The following SYT17 variants were observed in gnomAD, a reference collection of about 807,000 sequenced individuals.
SYT17 encodes the protein synaptotagmin 17, also known as synaptotagmin-17.
A neutral mutation model predicts 46.7 loss-of-function variants in SYT17; 22 were observed. That is an observed-to-expected ratio of 0.47 (90% CI 0.34 to 0.67). The LOEUF (loss-of-function observed/expected upper bound fraction) is 0.67, where lower values mean the gene tolerates loss of function less well. Ranked by LOEUF, SYT17 falls within the 30% of genes least tolerant of loss-of-function variation. The pLI, the probability that SYT17 is intolerant of heterozygous loss-of-function variation, is 0.01. For synonymous variants in SYT17, 251 were observed against 248.4 expected (o/e 1.01, Z -0.10); for missense variants, 519 against 612.8 (o/e 0.85, Z 1.62).
At chr16:19,173,298 C>T (rs1426255923) in intron 2 of SYT17, 132 bp from the exon 3 acceptor site, 2 of 623,992 alleles carry the variant, frequency 3.2e-6, no homozygotes, top group African/African-American at 3.7e-5. Context: ...AGAGCCAGAA[C>T]TCCTGAATGT....
At chr16:19,194,555 C>T (rs971584830) in intron 5 of SYT17, among the ~76,000 whole-genome samples, 1 of 152,164 alleles carries the variant, frequency 6.6e-6, no homozygotes, top group Non-Finnish European at 1.5e-5. Context: ...AGTAAATACC[C>T]CATAGACATC....
At chr16:19,259,131 C>T (rs971378830) in intron 7 of SYT17, among the ~76,000 whole-genome samples, 3 of 152,138 alleles carry the variant, frequency 2.0e-5, no homozygotes, top group Non-Finnish European at 4.4e-5. Flanking sequence ...GGGTACTTGC[C>T]TGTCCCCAGA....
chr16:19,194,211 CT>C (rs1965142471), intron 5 of SYT17, among the ~76,000 whole-genome samples: 1 of 152,208 alleles, frequency 6.6e-6, no homozygotes, highest in Non-Finnish European at 1.5e-5. Context: ...TTGCAAGTGA[CT>C]GTCTTGGCAG....
chr16:19,248,225 T>C (rs909184129), intron 7 of SYT17, among the ~76,000 whole-genome samples: 2 of 152,132 alleles, frequency 1.3e-5, no homozygotes, highest in African/African-American at 4.8e-5. Context: ...AAACAAGAAG[T>C]GTTGGTGAGA....
chr16:19,237,304 C>A (rs1463947743), intron 7 of SYT17, among the ~76,000 whole-genome samples: 1 of 152,130 alleles, frequency 6.6e-6, no homozygotes, highest in Non-Finnish European at 1.5e-5. Flanking sequence ...GGCACCTGAG[C>A]ATCTGTATTC....
At position 19,172,530 on chromosome 16, in the gene SYT17, G is replaced by A. The variant is rs890565005; in HGVS notation, c.16-230G>A. Reference sequence around the variant, plus strand: ...TGCTAAAGTTTCCCATTTATTTGGTGTTGGTTAACCAGGAGGCTACCAGCA... The same window carrying A: ...TGCTAAAGTTTCCCATTTATTTGGTATTGGTTAACCAGGAGGCTACCAGCA... On this transcript the variant is annotated intron_variant, in intron 1 of 7. Coordinates refer to ENST00000355377, the MANE Select transcript of SYT17 (RefSeq NM_016524.4). 3.1e-5 allele frequency: 46 copies of A among 1,497,146 alleles called. No homozygotes were observed. The African/African-American group carries it at 6.0e-4, about 19-fold the overall frequency. 92.7% of individuals were successfully genotyped at this position (1,497,146 alleles called of 1,614,324 possible).
chr16:19,227,645 T>C (rs149823709), intron 7 of SYT17, among the ~76,000 whole-genome samples: 1 of 152,252 alleles, frequency 6.6e-6, no homozygotes, highest in Non-Finnish European at 1.5e-5. Flanking sequence ...CCTTCCCCTT[T>C]CCAGTTCCTT....
intron 1 of SYT17, chr16:19,171,337 T>G (rs1441253046): frequency 1.2e-5 from 2 of 161,062 alleles, no homozygotes; most frequent in Admixed American, 5.9e-5. Flanking sequence ...TTATGATTAT[T>G]ATTTTAGACA....
intron 5 of SYT17, chr16:19,211,168 A>G: frequency 2.3e-6 from 1 of 426,476 alleles, no homozygotes; most frequent in Non-Finnish European, 4.2e-6. Context: ...TCGGGCTCTT[A>G]CAAGAAAGGA....
At chr16:19,218,458 G>A (rs1409050965) in intron 5 of SYT17, among the ~76,000 whole-genome samples, 1 of 152,166 alleles carries the variant, frequency 6.6e-6, no homozygotes, top group Non-Finnish European at 1.5e-5. Context: ...TATGGAGGAT[G>A]GGATGGGTAG....
intron 7 of SYT17, among the ~76,000 whole-genome samples, chr16:19,244,420 AAC>A (rs1967374880): frequency 6.6e-6 from 1 of 152,012 alleles, no homozygotes; most frequent in South Asian, 2.1e-4. Context: ...TGCAGCCTTG[AAC>A]TCCTGGGCTC....
chr16:19,244,783 T>C (rs146060273), intron 7 of SYT17, among the ~76,000 whole-genome samples: 2 of 152,034 alleles, frequency 1.3e-5, no homozygotes, highest in African/African-American at 2.4e-5. Flanking sequence ...TAGCTGGTGG[T>C]TGGGGAGGAA....
chr16:19,265,291 C>T (rs1174368687), intron 7 of SYT17, among the ~76,000 whole-genome samples: 1 of 152,204 alleles, frequency 6.6e-6, no homozygotes, highest in African/African-American at 2.4e-5. Flanking sequence ...TGAGGTCCAC[C>T]TATGCATACT....
intron 5 of SYT17, among the ~76,000 whole-genome samples, chr16:19,198,952 A>C (rs1567208734): frequency 6.6e-6 from 1 of 152,336 alleles, no homozygotes; most frequent in East Asian, 1.9e-4. Flanking sequence ...TCTGGGATTG[A>C]GAAGATGAGG....
At chr16:19,221,103 C>A (rs543157108) in intron 5 of SYT17, among the ~76,000 whole-genome samples, 37 of 151,098 alleles carry the variant, frequency 2.4e-4, no homozygotes, top group Middle Eastern at 6.9e-3. Context: ...GTAGTAGGAT[C>A]CCTTGAGCCC....
chr16:19,245,756 C>G (rs1412876089), intron 7 of SYT17, among the ~76,000 whole-genome samples: 1 of 152,172 alleles, frequency 6.6e-6, no homozygotes, highest in African/African-American at 2.4e-5. Context: ...AGGGCCTGGG[C>G]AGATGGACTG....
chr16:19,239,165 G>T (rs1039117766), intron 7 of SYT17, among the ~76,000 whole-genome samples: 5 of 152,092 alleles, frequency 3.3e-5, no homozygotes, highest in Non-Finnish European at 4.4e-5. Context: ...TGTGGCTGTA[G>T]TCCCAGCTAC....
At chr16:19,208,884 CTTTT>C (rs1191498524) in intron 5 of SYT17, among the ~76,000 whole-genome samples, 21 of 63,308 alleles carry the variant, frequency 3.3e-4, no homozygotes, top group South Asian at 7.1e-4. Context: ...CAAGGACCTT[CTTTT>C]TTTTTTTTTT....
chr16:19,182,825 C>T (rs964350607), intron 4 of SYT17, among the ~76,000 whole-genome samples: 3 of 152,236 alleles, frequency 2.0e-5, no homozygotes, highest in Non-Finnish European at 4.4e-5. Context: ...GAAGTACAGT[C>T]GTTCCCATTT....
Sources: allele counts gnomAD v4.1 joint callset (sites outside exome capture counted in the v4.1 genomes callset), GRCh38; gene constraint gnomAD v4.1.1; transcripts MANE v1.5; gene names NCBI Gene and HGNC (gene_info 2026-07-23, HGNC 2026-07-21).